The following GSTO1 variants were observed in gnomAD, a reference collection of about 807,000 sequenced individuals.
The protein encoded by GSTO1 is glutathione S-transferase omega-1.
A neutral mutation model predicts 23.8 loss-of-function variants in GSTO1; 27 were observed. The ratio of observed to expected loss-of-function variants is 1.13; its 90% confidence interval spans 0.83 to 1.56. The LOEUF (loss-of-function observed/expected upper bound fraction) is 1.56. Ranked by LOEUF, GSTO1 falls within the 40% of genes most tolerant of loss-of-function variation. GSTO1 has a pLI of 0.00. For synonymous variants in GSTO1, 105 were observed against 109.3 expected, an observed-to-expected ratio of 0.96 and a Z score of 0.25; for missense variants, 255 against 285.8, an observed-to-expected ratio of 0.89 and a Z score of 0.78.
At chr10:104,260,815 A>C (rs924640844) in intron 3 of GSTO1, among the ~76,000 whole-genome samples, 1 of 152,222 alleles carries the variant, frequency 6.6e-6, no homozygotes, top group Admixed American at 6.5e-5. Flanking sequence ...TTATAAAGGG[A>C]AGCCAATGGG....
intron 4 of GSTO1, among the ~76,000 whole-genome samples, chr10:104,264,377 TAGAC>T (rs2011162455): frequency 6.6e-6 from 1 of 152,108 alleles, no homozygotes; most frequent in South Asian, 2.1e-4. Context: ...AGTTTAGTAG[TAGAC>T]AGAACACAGT....
intron 4 of GSTO1, 134 bp from the exon 5 acceptor site, chr10:104,265,950 G>GA: frequency 5.8e-6 from 3 of 517,990 alleles, no homozygotes; most frequent in South Asian, 2.8e-5. Flanking sequence ...TTTTTGATCA[G>GA]AAAAAAACCC....
rs1272271976 is a variant in GSTO1 at position 104,266,104 on chromosome 10, G to C, written c.486G>C (p.Thr162=). The C allele has an allele frequency of 1.3e-6, 2 of 1,598,170 alleles. No homozygotes were observed. Among genetic ancestry groups the C allele is most frequent in the Non-Finnish European group, 8.6e-7 (1 of 1,165,658 alleles). The change falls in exon 5 of 6, where the codon ACG becomes ACC. Residue 162 remains threonine, a synonymous_variant. Transcript: ENST00000369713. ...KLEEVLTNKK[T]TFFGGNSISM... Reference sequence around the variant, plus strand: ...TTCAGGTTCTGACTAATAAGAAGACGACCTTCTTTGGTGGCAATTCTATCT... The same window carrying C: ...TTCAGGTTCTGACTAATAAGAAGACCACCTTCTTTGGTGGCAATTCTATCT...
intron 3 of GSTO1, among the ~76,000 whole-genome samples, chr10:104,260,096 T>C (rs74154768): frequency 0.074 from 11,226 of 152,260 alleles, 1,392 homozygotes; most frequent in African/African-American, 0.26. Flanking sequence ...CACTTCTCAC[T>C]GTGCCTGGTT....
At chr10:104,260,587 C>T (rs1040836446) in intron 3 of GSTO1, among the ~76,000 whole-genome samples, 1 of 152,180 alleles carries the variant, frequency 6.6e-6, no homozygotes, top group Admixed American at 6.5e-5. Flanking sequence ...CCTTACTTAG[C>T]ATCAACACTG....
At chr10:104,256,787 T>A (rs182141160) in intron 2 of GSTO1, among the ~76,000 whole-genome samples, 4,427 of 152,152 alleles carry the variant, frequency 0.029, 195 homozygotes, top group African/African-American at 0.1. Flanking sequence ...TTTTTTTTTT[T>A]AAATAACAAA....
At chr10:104,256,539 G>A (rs74154765) in intron 2 of GSTO1, among the ~76,000 whole-genome samples, 11,245 of 152,238 alleles carry the variant, frequency 0.074, 1,398 homozygotes, top group African/African-American at 0.26. Flanking sequence ...GAGGAAGAGA[G>A]TGGTTAACAG....
chr10:104,255,383 C>T, intron 2 of GSTO1, 112 bp downstream of exon 2: 1 of 680,234 alleles, frequency 1.5e-6, no homozygotes, highest in Non-Finnish European at 2.6e-6. Context: ...GCGTCCTTTA[C>T]TGCACATTAA....
chr10:104,260,871 T>C (rs2011132750), intron 3 of GSTO1, among the ~76,000 whole-genome samples: 1 of 152,104 alleles, frequency 6.6e-6, no homozygotes, highest in South Asian at 2.1e-4. Flanking sequence ...GGTGAAAGAA[T>C]AGTAGAGGCG....
Position 104,255,273 on chromosome 10 carries a change from TG to T in GSTO1, c.143+5del. The T allele has an allele frequency of 6.3e-7, 1 of 1,593,174 alleles. No individual in the cohort carries two copies. Among genetic ancestry groups the T allele is most frequent in the Non-Finnish European group, 8.6e-7 (1 of 1,161,094 alleles). On this transcript the variant is annotated splice_donor_region_variant and intron_variant, in intron 2 of 5. Transcript: ENST00000369713. ...AGTCCTGAAGGCCAAGGGAATCAGG[TG>T]GGCACCCAGGCGGGGGACGCTCCCC...
chr10:104,263,546 A>T (rs1331773677), intron 4 of GSTO1, among the ~76,000 whole-genome samples: 2 of 152,184 alleles, frequency 1.3e-5, no homozygotes, highest in Non-Finnish European at 2.9e-5. Flanking sequence ...AACAGTACAG[A>T]CACTTGAGGG....
chr10:104,265,642 G>T (rs768748448), intron 4 of GSTO1, among the ~76,000 whole-genome samples: 1 of 152,122 alleles, frequency 6.6e-6, no homozygotes, highest in African/African-American at 2.4e-5. Flanking sequence ...TAGTGTTATT[G>T]CATTTTGGTT....
At chr10:104,254,694 CT>C, upstream of GSTO1, 1 of 595,054 alleles carries the variant, frequency 1.7e-6, no homozygotes, top group East Asian at 2.9e-5. Context: ...TTTTGTGTAT[CT>C]CCCCGTGGGT....
At chr10:104,266,535 G>C (rs1290137772) in intron 5 of GSTO1, among the ~76,000 whole-genome samples, 1 of 152,202 alleles carries the variant, frequency 6.6e-6, no homozygotes, top group African/African-American at 2.4e-5. Flanking sequence ...TCAGGAGTTA[G>C]AGACCAGCCT....
rs376039597 is a variant in GSTO1 at position 104,266,126 on chromosome 10, A to C, written c.508A>C (p.Ile170Leu). ...GACGACCTTCTTTGGTGGCAATTCT[A>C]TCTCTATGATTGATTACCTCATCTG... Reference protein sequence around the residue: ...KKTTFFGGNSISMIDYLIWPW... With the variant: ...KKTTFFGGNSLSMIDYLIWPW... The change falls in exon 5 of 6, where the codon ATC (isoleucine) becomes CTC (leucine). Residue 170 changes from isoleucine (I) to leucine (L), a missense_variant. Transcript: ENST00000369713. 8 of 1,610,958 alleles carry C rather than the reference A, an allele frequency of 5.0e-6. No individual in the cohort carries two copies. The African/African-American group carries it at 8.0e-5, about 16-fold the overall frequency.
At chr10:104,261,575 A>C (rs11593060) in intron 3 of GSTO1, among the ~76,000 whole-genome samples, 5,333 of 152,288 alleles carry the variant, frequency 0.035, 121 homozygotes, top group Non-Finnish European at 0.054. Context: ...TTAAGAAATA[A>C]ATTTTTAGAG....
intron 3 of GSTO1, among the ~76,000 whole-genome samples, chr10:104,262,582 C>T (rs2011146658): frequency 6.6e-6 from 1 of 152,142 alleles, no homozygotes; most frequent in African/African-American, 2.4e-5. Flanking sequence ...CGTGGTGGCG[C>T]ACGCCCATAA....
intron 1 of GSTO1, 90 bp downstream of exon 1, chr10:104,255,052 C>T: frequency 6.8e-7 from 1 of 1,460,074 alleles, no homozygotes; most frequent in South Asian, 1.2e-5. Flanking sequence ...CGCCCGGGAG[C>T]GCCCCACCGG....
intron 3 of GSTO1, among the ~76,000 whole-genome samples, chr10:104,262,572 C>T (rs909970980): frequency 2.6e-5 from 4 of 152,120 alleles, no homozygotes; most frequent in Non-Finnish European, 4.4e-5. Context: ...ATTAGCCTGG[C>T]GTGGTGGCGC....
Sources: gnomAD v4.1 joint callset for allele counts (sites outside exome capture counted in the v4.1 genomes callset) on GRCh38, gnomAD v4.1.1 for gene constraint, MANE v1.5 for transcripts, NCBI Gene and HGNC (gene_info 2026-07-23, HGNC 2026-07-21) for gene names.